Variants in AGBL4 observed in about 807,000 individuals in gnomAD.
AGBL4 encodes the protein cytosolic carboxypeptidase 6.
In AGBL4, 58 loss-of-function variants were observed where a neutral mutation model predicts 66.4. The ratio of observed to expected loss-of-function variants is 0.87; its 90% CI spans 0.71 to 1.09. The LOEUF is 1.09. Among genes scored for constraint, AGBL4 ranks in the 50% least tolerant of loss-of-function variants. The pLI, the probability that AGBL4 is intolerant of heterozygous loss-of-function variation, is 0.00. For synonymous variants in AGBL4, 234 were observed against 222.9 expected (o/e 1.05, Z -0.44); for missense variants, 579 against 631.0 (o/e 0.92, Z 0.88).
Position 48,722,601 on chromosome 1 carries a change from A to G in AGBL4, c.635-59360T>C, listed in dbSNP as rs151050239. 7.3e-3 allele frequency among the ~76,000 whole-genome samples: 1,113 copies of G among 152,290 alleles called. 15 individuals carry two copies. Among genetic ancestry groups the G allele is most frequent in the African/African-American group, 0.025 (1,042 of 41,556 alleles). ...TGGCTCCAAAACTGATGCTCTTTCC[A>G]TTATAACACGGTAAACTGAAGGGAC... On this transcript the variant is annotated intron_variant, in intron 6 of 13. Transcript: ENST00000371839.
intron 5 of AGBL4, 99 bp from the exon 6 acceptor site, chr1:48,867,329 A>G: frequency 8.5e-7 from 1 of 1,172,694 alleles, no homozygotes; most frequent in South Asian, 1.3e-5. Context: ...GTTGGGACAT[A>G]CTGCAGGGTA....
At chr1:48,832,990 AT>A (rs1209509452) in intron 6 of AGBL4, among the ~76,000 whole-genome samples, 2 of 152,124 alleles carry the variant, frequency 1.3e-5, no homozygotes, top group African/African-American at 2.4e-5. Flanking sequence ...TGGGTCTCTA[AT>A]TTGCCAGTTG....
At chr1:50,002,436 C>T (rs1456022659) in intron 1 of AGBL4, among the ~76,000 whole-genome samples, 4 of 135,914 alleles carry the variant, frequency 2.9e-5, no homozygotes, top group Non-Finnish European at 6.1e-5. Context: ...GTGGCGCGAT[C>T]TCGGCTCACT....
chr1:48,560,418 A>G (rs1239070811), intron 11 of AGBL4, among the ~76,000 whole-genome samples: 1 of 152,202 alleles, frequency 6.6e-6, no homozygotes, highest in African/African-American at 2.4e-5. Flanking sequence ...CATCTGAGCT[A>G]GAATACTGGT....
chr1:49,750,515 T>C (rs1245795652), intron 2 of AGBL4, among the ~76,000 whole-genome samples: 1 of 152,194 alleles, frequency 6.6e-6, no homozygotes, highest in Non-Finnish European at 1.5e-5. Flanking sequence ...TAGTCTGAAG[T>C]CAGGTAGTGT....
At chr1:49,938,187 A>G (rs963939592) in intron 1 of AGBL4, among the ~76,000 whole-genome samples, 1 of 152,132 alleles carries the variant, frequency 6.6e-6, no homozygotes, top group African/African-American at 2.4e-5. Flanking sequence ...CCACAGAAAT[A>G]CAAACTACCA....
intron 3 of AGBL4, among the ~76,000 whole-genome samples, chr1:49,296,738 A>T (rs1387169324): frequency 6.6e-6 from 1 of 152,210 alleles, no homozygotes; most frequent in Admixed American, 6.5e-5. Context: ...AACATGAAAA[A>T]TAGGTACCTA....
rs918372470 is a variant in AGBL4 at position 49,078,325 on chromosome 1, G to A, written c.378-32525C>T. On this transcript the variant is annotated intron_variant, in intron 4 of 13. Coordinates refer to ENST00000371839, the MANE Select transcript of AGBL4 (RefSeq NM_032785.4). ...GCTAACTCCAAAATATGTATCTCAC[G>A]TTGCACATTTCCCATGAGCTTCAGA... Among the ~76,000 whole-genome samples the A allele has an allele frequency of 8.5e-5, 13 of 152,174 alleles. No homozygotes were observed. In the East Asian group the frequency reaches 1.9e-3, roughly 23 times the overall value.
intron 5 of AGBL4, among the ~76,000 whole-genome samples, chr1:49,012,832 T>A (rs1485905438): frequency 6.6e-6 from 1 of 152,214 alleles, no homozygotes; most frequent in Admixed American, 6.5e-5. Flanking sequence ...TAATCCCCAA[T>A]GTAACAGCAT....
chr1:49,253,788 T>A (rs1445128055), intron 3 of AGBL4, among the ~76,000 whole-genome samples: 1 of 151,416 alleles, frequency 6.6e-6, no homozygotes, highest in African/African-American at 2.4e-5. Flanking sequence ...GCAGAGAGAA[T>A]CCAGGAGCAC....
At chr1:48,678,188 A>C (rs1302461868) in intron 6 of AGBL4, among the ~76,000 whole-genome samples, 1 of 152,144 alleles carries the variant, frequency 6.6e-6, no homozygotes. Context: ...GGGTAACTGC[A>C]CAGCTGCTGG....
intron 6 of AGBL4, among the ~76,000 whole-genome samples, chr1:48,793,462 C>T (rs1645598433): frequency 1.3e-5 from 2 of 152,150 alleles, no homozygotes; most frequent in South Asian, 4.1e-4. Context: ...CCTGAAATAC[C>T]TCTCTTCTCT....
chr1:50,004,980 A>G (rs1661024428), intron 1 of AGBL4, among the ~76,000 whole-genome samples: 1 of 152,128 alleles, frequency 6.6e-6, no homozygotes, highest in African/African-American at 2.4e-5. Context: ...AATTCCAGGA[A>G]TGTAGAGCAC....
chr1:48,902,256 G>A (rs979365763), intron 5 of AGBL4, among the ~76,000 whole-genome samples: 2 of 151,996 alleles, frequency 1.3e-5, no homozygotes, highest in African/African-American at 4.8e-5. Context: ...GCATTTTATT[G>A]TATATTAATT....
At chr1:49,248,838 T>C (rs1008151638) in intron 3 of AGBL4, among the ~76,000 whole-genome samples, 3 of 152,290 alleles carry the variant, frequency 2.0e-5, no homozygotes, top group African/African-American at 7.2e-5. Flanking sequence ...TTTCCTTCTT[T>C]CTTTTTATTT....
chr1:49,348,532 G>A (rs1392214219), intron 3 of AGBL4, among the ~76,000 whole-genome samples: 1 of 152,206 alleles, frequency 6.6e-6, no homozygotes, highest in Non-Finnish European at 1.5e-5. Context: ...GGCAGAGATT[G>A]AAGCGACCCG....
At chr1:49,555,994 A>G (rs1403525288) in intron 3 of AGBL4, among the ~76,000 whole-genome samples, 2 of 152,222 alleles carry the variant, frequency 1.3e-5, no homozygotes, top group East Asian at 3.8e-4. Flanking sequence ...ATCTAGAACT[A>G]GAAATACCAT....
intron 2 of AGBL4, among the ~76,000 whole-genome samples, chr1:49,758,203 T>C (rs754911237): frequency 1.3e-5 from 2 of 152,156 alleles, no homozygotes; most frequent in South Asian, 4.1e-4. Flanking sequence ...GAACTGAGCA[T>C]TGGAACCTCT....
chr1:49,742,749 A>C (rs145577852), intron 2 of AGBL4, among the ~76,000 whole-genome samples: 3,417 of 152,286 alleles, frequency 0.022, 110 homozygotes, highest in African/African-American at 0.074. Context: ...ATAATGCCAC[A>C]TATCTACAAC....
Sources: allele counts gnomAD v4.1 joint callset (sites outside exome capture counted in the v4.1 genomes callset), GRCh38; gene constraint gnomAD v4.1.1; transcripts MANE v1.5; gene names NCBI Gene and HGNC (gene_info 2026-07-23, HGNC 2026-07-21).